Variants in CAB39L observed in about 807,000 individuals in gnomAD.
The protein encoded by CAB39L is calcium binding protein 39 like, also known as calcium-binding protein 39-like.
CAB39L carries 23 observed loss-of-function variants against 39.1 expected under a neutral mutation model. The ratio of observed to expected loss-of-function variants is 0.59; its 90% CI spans 0.42 to 0.83. The LOEUF (loss-of-function observed/expected upper bound fraction) is 0.83, where lower values mean the gene tolerates loss of function less well. CAB39L is among the 40% of genes least tolerant of loss of function. The pLI, the probability that CAB39L is intolerant of heterozygous loss-of-function variation, is 0.00. For synonymous variants in CAB39L, 126 were observed against 137.2 expected, an observed-to-expected ratio of 0.92 and a Z score of 0.57; for missense variants, 366 against 391.9, an observed-to-expected ratio of 0.93 and a Z score of 0.56.
At chr13:49,380,043 C>T (rs1285924077) in intron 4 of CAB39L, among the ~76,000 whole-genome samples, 1 of 152,024 alleles carries the variant, frequency 6.6e-6, no homozygotes, top group Non-Finnish European at 1.5e-5. Flanking sequence ...GGTTTCACTG[C>T]GTTAACCAGA....
intron 9 of CAB39L, among the ~76,000 whole-genome samples, chr13:49,337,461 CT>C (rs1246498833): frequency 6.6e-6 from 1 of 152,184 alleles, no homozygotes; most frequent in Non-Finnish European, 1.5e-5. Flanking sequence ...CCACCTCCCC[CT>C]GGCCACATGG....
At chr13:49,396,450 T>C (rs200349322) in intron 3 of CAB39L, among the ~76,000 whole-genome samples, 34 of 152,288 alleles carry the variant, frequency 2.2e-4, no homozygotes, top group East Asian at 2.1e-3. Flanking sequence ...GGCTCACACC[T>C]GGAATCCCAG....
At chr13:49,436,147 A>G (rs1205933651) in intron 1 of CAB39L, among the ~76,000 whole-genome samples, 1 of 152,094 alleles carries the variant, frequency 6.6e-6, no homozygotes, top group Non-Finnish European at 1.5e-5. Flanking sequence ...TGCTGTTTAG[A>G]AGTCTGTTGC....
chr13:49,382,743 G>T, intron 4 of CAB39L, 57 bp downstream of exon 4: 1 of 1,048,048 alleles, frequency 9.5e-7, no homozygotes, highest in Non-Finnish European at 1.5e-6. Flanking sequence ...TTTTACATTG[G>T]TTTTTGGCAT....
chr13:49,315,419 G>A (rs1420272154), intron 10 of CAB39L, among the ~76,000 whole-genome samples: 4 of 152,020 alleles, frequency 2.6e-5, no homozygotes, highest in African/African-American at 4.8e-5. Flanking sequence ...GACCTTCTGG[G>A]TTATAAAGTA....
intron 10 of CAB39L, among the ~76,000 whole-genome samples, chr13:49,320,405 T>A (rs1954307358): frequency 1.3e-5 from 2 of 152,198 alleles, no homozygotes; most frequent in South Asian, 4.1e-4. Flanking sequence ...TCTGTGGAGT[T>A]CTCAGGCGTG....
Position 49,377,750 on chromosome 13 carries a change from A to C in CAB39L, c.112-619T>G, listed in dbSNP as rs1171877155. ...GTGATCTCGGCTCACTACAACCTACACCTCCCAGCCGCCTGCCTTGGCCTC... is the reference window on the plus strand; with the variant it reads ...GTGATCTCGGCTCACTACAACCTACCCCTCCCAGCCGCCTGCCTTGGCCTC... On this transcript the variant is annotated intron_variant, in intron 4 of 10. Coordinates refer to ENST00000409308, the MANE Select transcript of CAB39L (RefSeq NM_001079670.3). 1.8e-4 allele frequency among the ~76,000 whole-genome samples: 15 copies of C among 81,744 alleles called. 2 individuals are homozygous for C. Among genetic ancestry groups the C allele is most frequent in the Non-Finnish European group, 3.2e-4 (13 of 41,210 alleles). The allele number at this position is 81,744 out of a possible 152,430, so 53.6% of individuals were successfully genotyped here. A position where few individuals can be genotyped will look rare whatever the true frequency, so the allele number is the denominator to read the frequency against.
chr13:49,332,165 G>T, intron 9 of CAB39L, 75 bp from the exon 10 acceptor site: 1 of 1,517,338 alleles, frequency 6.6e-7, no homozygotes, highest in Non-Finnish European at 9.0e-7. Context: ...TCTTCTCACT[G>T]AAAAACAAAA....
At chr13:49,431,459 C>A (rs1957322895) in intron 3 of CAB39L, among the ~76,000 whole-genome samples, 1 of 152,102 alleles carries the variant, frequency 6.6e-6, no homozygotes, top group South Asian at 2.1e-4. Flanking sequence ...GTAATCCCAG[C>A]ACTTTGGGAG....
chr13:49,344,290 C>A (rs1215179971), intron 7 of CAB39L, 52 bp from the exon 8 acceptor site: 2 of 998,838 alleles, frequency 2.0e-6, no homozygotes, highest in East Asian at 4.8e-5. Flanking sequence ...ATTAATATTA[C>A]AAATGTGTCT....
At chr13:49,313,505 T>C (rs1210218131) in intron 10 of CAB39L, among the ~76,000 whole-genome samples, 4 of 151,300 alleles carry the variant, frequency 2.6e-5, no homozygotes, top group African/African-American at 9.7e-5. Context: ...AAATTACAAC[T>C]GCCCAGGTCC....
chr13:49,411,238 G>A (rs1373864551), intron 3 of CAB39L, among the ~76,000 whole-genome samples: 4 of 151,418 alleles, frequency 2.6e-5, no homozygotes, highest in South Asian at 2.1e-4. Flanking sequence ...GTGAGACCTC[G>A]TCTCTATCAA....
rs867138347 is a variant in CAB39L at position 49,434,176 on chromosome 13, G to C, written c.-198C>G. ...TCTTTACGTTCTGAACAGCAACTTAGAACACTTTGCTCCTGATATTCTTTC... is the reference window on the plus strand; with the variant it reads ...TCTTTACGTTCTGAACAGCAACTTACAACACTTTGCTCCTGATATTCTTTC... On this transcript the variant is annotated 5_prime_UTR_variant, in exon 2 of 11. Coordinates refer to ENST00000409308, the MANE Select transcript of CAB39L (RefSeq NM_001079670.3). The C allele has an allele frequency of 6.6e-6, 3 of 456,460 alleles. No homozygotes were observed. The highest frequency in any genetic ancestry group is 3.3e-4 in the Middle Eastern group (1 of 3,076). 28.3% of individuals were successfully genotyped at this position (456,460 alleles called of 1,614,324 possible).
chr13:49,335,338 A>G (rs1053125010), intron 9 of CAB39L, among the ~76,000 whole-genome samples: 2 of 152,190 alleles, frequency 1.3e-5, no homozygotes, highest in African/African-American at 4.8e-5. Flanking sequence ...AATTTTTATT[A>G]CCTGGGGATA....
At chr13:49,396,674 C>T (rs376093568) in intron 3 of CAB39L, among the ~76,000 whole-genome samples, 1 of 152,168 alleles carries the variant, frequency 6.6e-6, no homozygotes, top group South Asian at 2.1e-4. Context: ...CACCACTGCA[C>T]TCCAGCCTGG....
intron 9 of CAB39L, among the ~76,000 whole-genome samples, chr13:49,336,877 G>A (rs1489388427): frequency 6.6e-6 from 1 of 152,214 alleles, no homozygotes; most frequent in African/African-American, 2.4e-5. Flanking sequence ...GGACATGGGA[G>A]AACACAGCGC....
At chr13:49,430,280 T>C (rs950968222) in intron 3 of CAB39L, among the ~76,000 whole-genome samples, 10 of 152,190 alleles carry the variant, frequency 6.6e-5, no homozygotes, top group Admixed American at 6.5e-4. Context: ...CCAAATAATG[T>C]GGAACTACTA....
intron 7 of CAB39L, among the ~76,000 whole-genome samples, chr13:49,349,117 C>T (rs1955266044): frequency 6.6e-6 from 1 of 152,190 alleles, no homozygotes; most frequent in South Asian, 2.1e-4. Context: ...AGGTAGTTTT[C>T]AGCAGAGCAA....
At chr13:49,398,592 G>A (rs748539214) in intron 3 of CAB39L, among the ~76,000 whole-genome samples, 42 of 151,982 alleles carry the variant, frequency 2.8e-4, no homozygotes, top group Non-Finnish European at 5.3e-4. Context: ...TTGATCAAAT[G>A]CAAGAGTTTT....
Sources: gnomAD v4.1 joint callset for allele counts (sites outside exome capture counted in the v4.1 genomes callset) on GRCh38, gnomAD v4.1.1 for gene constraint, MANE v1.5 for transcripts, NCBI Gene and HGNC (gene_info 2026-07-23, HGNC 2026-07-21) for gene names.